Variants in BRCC3 observed in about 807,000 individuals in gnomAD.
The protein encoded by BRCC3 is lys-63-specific deubiquitinase BRCC36.
Under a neutral mutation model 28.0 loss-of-function variants are expected in BRCC3, and 15 were observed. The observed-to-expected ratio is 0.54, with a 90% CI of 0.36 to 0.82. BRCC3 has a LOEUF of 0.82. Among genes scored for constraint, BRCC3 ranks in the 40% least tolerant of loss-of-function variants. The pLI is 0.01. For synonymous variants in BRCC3, 66 were observed against 80.3 expected (o/e 0.82, Z 0.95); for missense variants, 109 against 225.9 (o/e 0.48, Z 3.32).
At chrX:155,105,263 A>G (rs1254045388) in intron 7 of BRCC3, among the ~76,000 whole-genome samples, 1 of 111,644 alleles carries the variant, frequency 9.0e-6, no homozygotes, top group Non-Finnish European at 1.9e-5. Context: ...CGCGTGGATC[A>G]CTTGAGGTCA....
chrX:155,101,525 C>G (rs182985492), intron 7 of BRCC3, among the ~76,000 whole-genome samples: 1 of 112,292 alleles, frequency 8.9e-6, no homozygotes, highest in East Asian at 2.8e-4. Context: ...AGAGTTTTCT[C>G]TTCTGCCAAT....
intron 8 of BRCC3, 61 bp from the exon 9 acceptor site, chrX:155,116,649 TG>T: frequency 1.2e-6 from 1 of 816,403 alleles, no homozygotes; most frequent in Non-Finnish European, 1.8e-6. Context: ...GTATAGTCCA[TG>T]ACCATTTTGC....
chrX:155,093,934 A>G (rs963633792), intron 7 of BRCC3, among the ~76,000 whole-genome samples: 1 of 110,489 alleles, frequency 9.1e-6, no homozygotes, highest in Non-Finnish European at 1.9e-5. Flanking sequence ...AATTTTCAAG[A>G]GTTTTTTCTA....
chrX:155,080,099 G>A (rs2074074634), intron 5 of BRCC3, among the ~76,000 whole-genome samples: 1 of 111,339 alleles, frequency 9.0e-6, no homozygotes, highest in African/African-American at 3.3e-5. Context: ...TTCAGTGGCT[G>A]ATTTGTTTTC....
At chrX:155,074,589 C>G (rs1199626127) in intron 3 of BRCC3, among the ~76,000 whole-genome samples, 1 of 111,949 alleles carries the variant, frequency 8.9e-6, no homozygotes, top group African/African-American at 3.3e-5. Context: ...ACTGAAATCT[C>G]TGACTAAAGC....
At chrX:155,076,831 T>C in intron 3 of BRCC3, among the ~76,000 whole-genome samples, 1 of 112,219 alleles carries the variant, frequency 8.9e-6, no homozygotes, top group Non-Finnish European at 1.9e-5. Flanking sequence ...ACCATGTCGT[T>C]AGCACATTGA....
At chrX:155,115,916 G>T (rs899210279) in intron 7 of BRCC3, 141 bp from the exon 8 acceptor site, 2 of 582,644 alleles carry the variant, frequency 3.4e-6, no homozygotes, top group African/African-American at 4.7e-5. Context: ...TATCCACTTT[G>T]AAGTTGCATC....
Position 155,115,191 on chromosome X carries a change from A to G in BRCC3, c.549-866A>G, listed in dbSNP as rs927508702. 4.5e-5 allele frequency among the ~76,000 whole-genome samples: 5 copies of G among 112,292 alleles called. No individual in the cohort carries two copies. The East Asian group carries it at 1.1e-3, about 25-fold the overall frequency. ...GGAGAATTCACTACAAGAAATATTA[A>G]AAGTTCTTCAGACTGAAAATATATG... is the stretch of plus-strand genomic sequence containing the variant. On this transcript the variant is annotated intron_variant, in intron 7 of 10. Transcript: ENST00000330045.
At chrX:155,103,157 G>A (rs1256450838) in intron 7 of BRCC3, among the ~76,000 whole-genome samples, 1 of 112,422 alleles carries the variant, frequency 8.9e-6, no homozygotes, top group African/African-American at 3.2e-5. Flanking sequence ...CCTGGCCTTT[G>A]TGCCATTGTG....
rs782283086 is a variant in BRCC3 at position 155,075,674 on chromosome X, T to C, written c.196-1496T>C. Among the ~76,000 whole-genome samples, 6 of 112,410 alleles carry C rather than the reference T, an allele frequency of 5.3e-5. No individual in the cohort carries two copies. Among genetic ancestry groups the C allele is most frequent in the Non-Finnish European group, 1.1e-4 (6 of 53,292 alleles). On this transcript the variant is annotated intron_variant, in intron 3 of 10. Transcript: ENST00000330045. ...TTGTAGATTCATTCTTTTTAATGGG[T>C]CTCAAATCTGTTTCTTCCATCTCTG... is the stretch of plus-strand genomic sequence containing the variant.
intron 7 of BRCC3, among the ~76,000 whole-genome samples, chrX:155,108,959 C>T (rs2074301359): frequency 9.0e-6 from 1 of 111,615 alleles, no homozygotes; most frequent in Non-Finnish European, 1.9e-5. Context: ...GGAAGAGATG[C>T]TTTATTATTT....
In BRCC3 at chrX:155,122,934, G is replaced by C. The variant is rs999243534; in HGVS notation, c.*1730G>C. 1.8e-5 allele frequency: 2 copies of C among 111,544 alleles called. No individual in the cohort carries two copies. Among genetic ancestry groups the C allele is most frequent in the Non-Finnish European group, 3.8e-5 (2 of 53,075 alleles). The allele number at this position is 111,544 out of a possible 1,213,427, so 9.2% of individuals were successfully genotyped here. A position where few individuals can be genotyped will look rare whatever the true frequency, so the allele number is the denominator to read the frequency against. On this transcript the variant is annotated 3_prime_UTR_variant, in exon 11 of 11. Transcript: ENST00000330045. ...AGTTCTATATGATTATGATGATTACGATGTTGATTATAACATTTGATTATG... is the reference window on the plus strand; with the variant it reads ...AGTTCTATATGATTATGATGATTACCATGTTGATTATAACATTTGATTATG...
At chrX:155,107,922 G>A (rs782198209) in intron 7 of BRCC3, among the ~76,000 whole-genome samples, 5 of 111,573 alleles carry the variant, frequency 4.5e-5, no homozygotes, top group Non-Finnish European at 9.4e-5. Flanking sequence ...CAATTGAAGT[G>A]TAACATACAG....
chrX:155,098,212 C>G (rs1293859463), intron 7 of BRCC3, among the ~76,000 whole-genome samples: 1 of 112,080 alleles, frequency 8.9e-6, no homozygotes, highest in Non-Finnish European at 1.9e-5. Flanking sequence ...AAATTTTCCT[C>G]TTCACTCTGG....
chrX:155,072,007 T>C (rs1182465028), intron 1 of BRCC3, among the ~76,000 whole-genome samples: 1 of 112,069 alleles, frequency 8.9e-6, no homozygotes, highest in Non-Finnish European at 1.9e-5. Flanking sequence ...ACGCAGCAGC[T>C]GACCACAGTT....
chrX:155,096,577 C>T (rs2074211187), intron 7 of BRCC3, among the ~76,000 whole-genome samples: 1 of 112,037 alleles, frequency 8.9e-6, no homozygotes, highest in Admixed American at 9.4e-5. Flanking sequence ...TTCCCACACA[C>T]TACTACCCAA....
At chrX:155,107,343 A>G (rs2074291576) in intron 7 of BRCC3, among the ~76,000 whole-genome samples, 1 of 109,913 alleles carries the variant, frequency 9.1e-6, no homozygotes, top group South Asian at 3.8e-4. Flanking sequence ...AAAGTTCTTT[A>G]ATTTTAGCAC....
At chrX:155,113,856 C>T (rs781873378) in intron 7 of BRCC3, among the ~76,000 whole-genome samples, 1 of 111,917 alleles carries the variant, frequency 8.9e-6, no homozygotes, top group East Asian at 2.8e-4. Flanking sequence ...GGTCAACAAG[C>T]ATATGAAAGA....
At chrX:155,106,955 T>C (rs1270978925) in intron 7 of BRCC3, among the ~76,000 whole-genome samples, 1 of 112,625 alleles carries the variant, frequency 8.9e-6, no homozygotes, top group Non-Finnish European at 1.9e-5. Context: ...TTAAATCTCT[T>C]GTATTTCAAT....
Sources: allele counts gnomAD v4.1 joint callset (sites outside exome capture counted in the v4.1 genomes callset), GRCh38; gene constraint gnomAD v4.1.1; transcripts MANE v1.5; gene names NCBI Gene and HGNC (gene_info 2026-07-23, HGNC 2026-07-21).